Variants in PPP1R3B observed in about 807,000 individuals in gnomAD.
PPP1R3B encodes the protein protein phosphatase 1 regulatory subunit 3B.
Under a neutral mutation model 14.6 loss-of-function variants are expected in PPP1R3B, and 8 were observed. That is an observed-to-expected ratio of 0.55 (90% CI 0.32 to 0.99). PPP1R3B has a LOEUF of 0.99. PPP1R3B is among the 50% of genes least tolerant of loss of function. The pLI is 0.04. For synonymous variants in PPP1R3B, 169 were observed against 142.0 expected (o/e 1.19, Z -1.35); for missense variants, 452 against 360.1 (o/e 1.26, Z -2.07).
Position 9,141,640 on chromosome 8 carries a change from C to G in PPP1R3B, c.12G>C (p.Val4=). The change falls in exon 2 of 2, where the codon GTG becomes GTC. Residue 4 remains valine (V), a synonymous_variant. Transcript: ENST00000310455. ...TGCAGTTGTATCTGTACTCGATGTC[C>G]ACAGCCATCATGGGGCTAGATGAAC... The part of the protein sequence containing the change: MMA[V]DIEYRYNCMA... 1.9e-6 allele frequency: 3 copies of G among 1,613,260 alleles called. No individual in the cohort carries two copies. The highest frequency in any genetic ancestry group is 2.5e-6 in the Non-Finnish European group (3 of 1,179,566).
Position 9,140,617 on chromosome 8 carries a change from T to C in PPP1R3B, c.*177A>G. The C allele has an allele frequency of 2.9e-6, 2 of 692,026 alleles. No homozygotes were observed. Among genetic ancestry groups the C allele is most frequent in the South Asian group, 2.0e-5 (1 of 51,214 alleles). The allele number at this position is 692,026 out of a possible 1,614,324, so 42.9% of individuals were successfully genotyped here. On this transcript the variant is annotated 3_prime_UTR_variant, in exon 2 of 2. Transcript: ENST00000310455. ...TTTGAGTGAGACACTGGTTGTGTAA[T>C]CTGAACCTGGCTGGATTTGCTGTTT... is the stretch of plus-strand genomic sequence containing the variant.
chr8:9,141,526 G>T lies in PPP1R3B; in HGVS notation c.126C>A (p.Ser42Arg). ...CCACCATTCCACTGGCTTCATTCTT[G>T]CTGCTCAGCTGAATACAAGGCCTCA... The part of the protein sequence containing the change: ...KPLRPCIQLS[S>R]KNEASGMVAP... The change falls in exon 2 of 2, where the codon AGC (serine) becomes AGA (arginine). Residue 42 changes from serine (S) to arginine (R), a missense_variant. Ser to Arg is a moderately radical substitution (Grantham distance 110). Coordinates refer to ENST00000310455, the MANE Select transcript of PPP1R3B (RefSeq NM_024607.4). 1 of 1,614,144 alleles carries T rather than the reference G, an allele frequency of 6.2e-7. No individual in the cohort carries two copies. The highest frequency in any genetic ancestry group is 8.5e-7 in the Non-Finnish European group (1 of 1,180,044).
chr8:9,143,207 G>A (rs1042515068), intron 1 of PPP1R3B, among the ~76,000 whole-genome samples: 1 of 151,958 alleles, frequency 6.6e-6, no homozygotes, highest in African/African-American at 2.4e-5. Context: ...CATCCTAACG[G>A]GTGTGACGTG....
Position 9,141,208 on chromosome 8 carries a change from A to G in PPP1R3B, c.444T>C (p.Thr148=), listed in dbSNP as rs1801073629. Residue 148 remains threonine, a synonymous_variant, in exon 2 of 2, where the codon ACT becomes ACC. Transcript: ENST00000310455. ...CVLKDKAIAG[T]VKVQNLAFEK... is the part of the protein sequence containing the mutation. ...CAAATGCGAGGTTCTGAACCTTCAC[A>G]GTGCCTGCAATGGCCTTGTCCTTGA... is the stretch of plus-strand genomic sequence containing the variant. 1.8e-5 allele frequency: 29 copies of G among 1,614,160 alleles called. No individual in the cohort carries two copies. Among genetic ancestry groups the G allele is most frequent in the Non-Finnish European group, 2.5e-5 (29 of 1,180,020 alleles).
At chr8:9,141,726 G>A (rs1801098366) in intron 1 of PPP1R3B, 58 bp from the exon 2 acceptor site, 2 of 1,489,770 alleles carry the variant, frequency 1.3e-6, no homozygotes, top group Admixed American at 2.0e-5. Context: ...AGATCAGACA[G>A]ATGTGTAAAG....
rs778830486 is a variant in PPP1R3B, at chr8:9,141,367, G to A, written c.285C>T (p.Leu95=). ...PLDMPFNITE[L]LDNIVSLTTA... ...TCGTCAAGCTCACAATGTTGTCTAGGAGCTCGGTGATGTTGAATGGCATAT... is the reference window on the plus strand; with the variant it reads ...TCGTCAAGCTCACAATGTTGTCTAGAAGCTCGGTGATGTTGAATGGCATAT... The change falls in exon 2 of 2, where the codon CTC becomes CTT. Residue 95 remains leucine (L), a synonymous_variant. Transcript: ENST00000310455. 4 of 1,614,204 alleles carry A rather than the reference G, an allele frequency of 2.5e-6. No individual in the cohort carries two copies. The highest frequency in any genetic ancestry group is 1.1e-5 in the South Asian group (1 of 91,070).
Position 9,136,898 on chromosome 8 carries a change from G to A in PPP1R3B, c.*3896C>T, listed in dbSNP as rs1800907048. 1 of 152,144 alleles carries A rather than the reference G, an allele frequency of 6.6e-6. No individual in the cohort carries two copies. Among genetic ancestry groups the A allele is most frequent in the Non-Finnish European group, 1.5e-5 (1 of 68,020 alleles). The allele number at this position is 152,144 out of a possible 1,614,324, so 9.4% of individuals were successfully genotyped here. A position where few individuals can be genotyped will look rare whatever the true frequency, so the allele number is the denominator to read the frequency against. ...CCAGAAAATGGGCAGTTCCAAAAAA[G>A]GAACACTTTTTTGATTGATAAGCAT... On this transcript the variant is annotated 3_prime_UTR_variant, in exon 2 of 2. Coordinates refer to ENST00000310455, the MANE Select transcript of PPP1R3B (RefSeq NM_024607.4).
At chr8:9,150,669 G>C (rs1004552889), upstream of PPP1R3B, 5 of 152,402 alleles carry the variant, frequency 3.3e-5, no homozygotes, top group African/African-American at 1.2e-4. Context: ...CCGGGAGGCA[G>C]GGCCTGGGCT....
rs1563121407 is a variant in PPP1R3B, at chr8:9,136,577, G to C, written c.*4217C>G. The C allele has an allele frequency of 6.6e-6, 1 of 152,186 alleles. No homozygotes were observed. The highest frequency in any genetic ancestry group is 2.4e-5 in the African/African-American group (1 of 41,444). The allele number at this position is 152,186 out of a possible 1,614,324, so 9.4% of individuals were successfully genotyped here. A position where few individuals can be genotyped will look rare whatever the true frequency, so the allele number is the denominator to read the frequency against. On this transcript the variant is annotated 3_prime_UTR_variant, in exon 2 of 2. Transcript: ENST00000310455. Reference sequence around the variant, plus strand: ...AAAAACATTCACGGCTTTACAATGTGGGTTACAGAGCTTTACAACCATGAC... The same window carrying C: ...AAAAACATTCACGGCTTTACAATGTCGGTTACAGAGCTTTACAACCATGAC...
chr8:9,151,430 C>A (rs945257521), upstream of PPP1R3B: 1 of 163,526 alleles, frequency 6.1e-6, no homozygotes, highest in South Asian at 1.3e-4. Flanking sequence ...GCTGCCGTGA[C>A]GGCAGGAGCT....
At chr8:9,151,017 G>A (rs1369749208), upstream of PPP1R3B, among the ~76,000 whole-genome samples, 1 of 152,222 alleles carries the variant, frequency 6.6e-6, no homozygotes, top group Admixed American at 6.5e-5. Flanking sequence ...CTGGGAACTT[G>A]TGCTAGTTTC....
At chr8:9,146,852 C>G (rs1801255007) in intron 1 of PPP1R3B, among the ~76,000 whole-genome samples, 1 of 151,386 alleles carries the variant, frequency 6.6e-6, no homozygotes, top group Non-Finnish European at 1.5e-5. Context: ...CTAACAGGTT[C>G]AATGTAAAAA....
chr8:9,150,487 C>T (rs1801388870), intron 1 of PPP1R3B, 76 bp downstream of exon 1: 1 of 152,686 alleles, frequency 6.5e-6, no homozygotes, highest in Non-Finnish European at 1.5e-5. Flanking sequence ...ACTCTGTCCC[C>T]TCCGTCCAGT....
chr8:9,141,190 G>C lies in PPP1R3B; in HGVS notation c.462C>G (p.Leu154=), dbSNP rs769701713. Residue 154 remains leucine (L), a synonymous_variant, in exon 2 of 2, where the codon CTC becomes CTG. Transcript: ENST00000310455. ...AIAGTVKVQN[L]AFEKTVKIRM... ...TTATTTTCACGGTCTTCTCAAATGC[G>C]AGGTTCTGAACCTTCACAGTGCCTG... 4 of 1,614,100 alleles carry C rather than the reference G, an allele frequency of 2.5e-6. No individual in the cohort carries two copies. Among genetic ancestry groups the C allele is most frequent in the South Asian group, 1.1e-5 (1 of 91,078 alleles).
chr8:9,141,927 A>C, intron 1 of PPP1R3B: 1 of 352,986 alleles, frequency 2.8e-6, no homozygotes, highest in Non-Finnish European at 5.2e-6. Flanking sequence ...TATGAAACCC[A>C]CTAGTTTTAA....
Position 9,141,586 on chromosome 8 carries a change from A to C in PPP1R3B, c.66T>G (p.Phe22Leu), listed in dbSNP as rs776803949. ...TGGGCTTTGGTGAGATCTTAAAGGC[A>C]AACCTCTCTTGGCGCAAGGAAGGAG... is the stretch of plus-strand genomic sequence containing the variant. ...CMAPSLRQER[F>L]AFKISPKPSK... The change falls in exon 2 of 2, where the codon TTT becomes TTG. Residue 22 changes from phenylalanine (F) to leucine (L), a missense_variant. Coordinates refer to ENST00000310455, the MANE Select transcript of PPP1R3B (RefSeq NM_024607.4). 1.1e-5 allele frequency: 18 copies of C among 1,614,024 alleles called. No individual in the cohort carries two copies. The highest frequency in any genetic ancestry group is 1.5e-5 in the Non-Finnish European group (18 of 1,180,048).
intron 1 of PPP1R3B, among the ~76,000 whole-genome samples, chr8:9,144,734 T>C (rs1206392373): frequency 3.3e-5 from 5 of 152,330 alleles, no homozygotes; most frequent in African/African-American, 1.2e-4. Context: ...TGTACTTTTA[T>C]TTTTACTGTT....
At position 9,140,927 on chromosome 8, in the gene PPP1R3B, C is replaced by T; in HGVS notation, c.725G>A (p.Gly242Glu). The T allele has an allele frequency of 6.2e-7, 1 of 1,614,196 alleles. No individual in the cohort carries two copies. Residue 242 changes from glycine (G) to glutamate (E), a missense_variant, in exon 2 of 2, where the codon GGA becomes GAA. Gly to Glu is a moderately conservative substitution (Grantham distance 98, BLOSUM62 -2). Coordinates refer to ENST00000310455, the MANE Select transcript of PPP1R3B (RefSeq NM_024607.4). ...CGGTCCACTGTGGGGCTTGGTCATT[C>T]CCTGGGTAGATTTTAACTCAGCCCG... ...IIRAELKSTQ[G>E]MTKPHSGPDL...
rs1194606724 is a variant in PPP1R3B, at chr8:9,136,902, C to T, written c.*3892G>A. The T allele has an allele frequency of 6.6e-6, 1 of 152,174 alleles. No homozygotes were observed. Among genetic ancestry groups the T allele is most frequent in the Non-Finnish European group, 1.5e-5 (1 of 68,024 alleles). 9.4% of individuals were successfully genotyped at this position (152,174 alleles called of 1,614,324 possible). A position where few individuals can be genotyped will look rare whatever the true frequency, so the allele number is the denominator to read the frequency against. On this transcript the variant is annotated 3_prime_UTR_variant, in exon 2 of 2. Transcript: ENST00000310455. ...AAAATGGGCAGTTCCAAAAAAGGAA[C>T]ACTTTTTTGATTGATAAGCATATAT...
Sources: allele counts gnomAD v4.1 joint callset (sites outside exome capture counted in the v4.1 genomes callset), GRCh38; gene constraint gnomAD v4.1.1; transcripts MANE v1.5; gene names NCBI Gene and HGNC (gene_info 2026-07-23, HGNC 2026-07-21).